Variants in PUM1 observed in about 807,000 individuals in gnomAD.
PUM1 encodes the protein pumilio homolog 1.
PUM1 carries 13 observed loss-of-function variants against 131.8 expected under a neutral mutation model. The observed-to-expected ratio is 0.10, with a 90% confidence interval of 0.06 to 0.16. The LOEUF is 0.16. PUM1 is among the 10% of genes least tolerant of loss of function. The pLI, the probability that PUM1 is intolerant of heterozygous loss-of-function variation, is 1.00. For synonymous variants in PUM1, 509 were observed against 556.5 expected (o/e 0.91, Z 1.20); for missense variants, 961 against 1,512.4 (o/e 0.64, Z 6.05).
chr1:30,953,860 A>T lies in PUM1; in HGVS notation c.2445T>A (p.Ser815=), dbSNP rs755781154. The change falls in exon 15 of 22, where the codon TCT becomes TCA. Residue 815 remains serine (S), a synonymous_variant. Coordinates refer to ENST00000426105, the MANE Select transcript of PUM1 (RefSeq NM_001020658.2). ...FSPSSTLFSS[S]RLRYGMSDVM... is the part of the protein sequence containing the mutation. Reference sequence around the variant, plus strand: ...CATCAGACATTCCATATCGCAAACGAGAGGAAGAGAAAAGAGTGCTGCTCG... The same window carrying T: ...CATCAGACATTCCATATCGCAAACGTGAGGAAGAGAAAAGAGTGCTGCTCG... 5 of 1,614,102 alleles carry T rather than the reference A, an allele frequency of 3.1e-6. No homozygotes were observed. The highest frequency in any genetic ancestry group is 4.2e-6 in the Non-Finnish European group (5 of 1,180,034).
chr1:30,987,967 A>G (rs944652279), intron 7 of PUM1, among the ~76,000 whole-genome samples: 1 of 152,232 alleles, frequency 6.6e-6, no homozygotes, highest in South Asian at 2.1e-4. Flanking sequence ...CAGCTAGTAC[A>G]TCTACTTCTA....
chr1:30,954,217 G>A (rs1640060222), intron 14 of PUM1, among the ~76,000 whole-genome samples: 2 of 152,204 alleles, frequency 1.3e-5, no homozygotes, highest in Non-Finnish European at 2.9e-5. Context: ...ATGGTAGACT[G>A]CTAGTAAGGC....
chr1:30,971,783 C>G (rs772409272), intron 10 of PUM1, among the ~76,000 whole-genome samples: 1 of 152,200 alleles, frequency 6.6e-6, no homozygotes, highest in Non-Finnish European at 1.5e-5. Flanking sequence ...CAGCACTTAA[C>G]TCTGCACAGA....
chr1:31,042,455 A>G (rs1268479667), intron 2 of PUM1, among the ~76,000 whole-genome samples: 2 of 152,210 alleles, frequency 1.3e-5, no homozygotes, highest in East Asian at 3.8e-4. Context: ...TAACTAATGC[A>G]AAGGACAGCA....
chr1:31,038,133 T>C (rs1643676633), intron 2 of PUM1, among the ~76,000 whole-genome samples: 1 of 138,736 alleles, frequency 7.2e-6, no homozygotes, highest in Non-Finnish European at 1.6e-5. Context: ...AAAGAATAAA[T>C]AAACATGGCC....
At chr1:30,979,929 A>G in intron 9 of PUM1, 133 bp downstream of exon 9, 1 of 628,330 alleles carries the variant, frequency 1.6e-6, no homozygotes, top group Non-Finnish European at 2.7e-6. Context: ...TTAAGCTGGC[A>G]GGTAGATGGC....
intron 1 of PUM1, 41 bp downstream of exon 1, chr1:31,065,575 T>A (rs1644465856): frequency 6.5e-7 from 1 of 1,537,528 alleles, no homozygotes. Flanking sequence ...TCGTTAGGGG[T>A]CCGGAGCAGC....
intron 10 of PUM1, among the ~76,000 whole-genome samples, chr1:30,970,550 A>G (rs1278462406): frequency 6.6e-6 from 1 of 152,212 alleles, no homozygotes; most frequent in Non-Finnish European, 1.5e-5. Flanking sequence ...AAAGAACCTA[A>G]CCAACTTTGT....
chr1:31,020,262 G>A (rs1435789749), intron 3 of PUM1, among the ~76,000 whole-genome samples: 1 of 152,084 alleles, frequency 6.6e-6, no homozygotes, highest in African/African-American at 2.4e-5. Context: ...TTTTTTATGG[G>A]TGTAGGTGTA....
rs1553146893 is a variant in PUM1, at chr1:30,969,332, A to AAG, written c.1507-841_1507-840insCT. 3.0e-3 allele frequency among the ~76,000 whole-genome samples: 412 copies of AAG among 135,240 alleles called. 4 individuals carry two copies. Among genetic ancestry groups the AAG allele is most frequent in the Non-Finnish European group, 4.8e-3 (299 of 62,830 alleles). 88.7% of individuals were successfully genotyped at this position (135,240 alleles called of 152,430 possible). A position where few individuals can be genotyped will look rare whatever the true frequency, so the allele number is the denominator to read the frequency against. On this transcript the variant is annotated intron_variant, in intron 10 of 21. Transcript: ENST00000426105. ...ACACACACACAAAAAAAAAAAAAAA[A>AAG]AAAAGAAAAAAAAAGAGTATTAATG...
chr1:31,058,267 A>G (rs538060709), intron 2 of PUM1, among the ~76,000 whole-genome samples: 83 of 152,294 alleles, frequency 5.4e-4, no homozygotes, highest in Admixed American at 1.3e-3. Context: ...CACCCAAGAG[A>G]AAAGATTCAA....
chr1:30,934,607 T>G (rs1048887420), intron 21 of PUM1, among the ~76,000 whole-genome samples: 1 of 152,232 alleles, frequency 6.6e-6, no homozygotes, highest in African/African-American at 2.4e-5. Context: ...AACTCACCTG[T>G]AAAACGGCGT....
At chr1:31,034,823 G>A (rs1169564844) in intron 2 of PUM1, among the ~76,000 whole-genome samples, 1 of 152,102 alleles carries the variant, frequency 6.6e-6, no homozygotes, top group Non-Finnish European at 1.5e-5. Context: ...CAGAAACCTA[G>A]ATCATGATGG....
chr1:31,004,935 A>G (rs975590533), intron 5 of PUM1, among the ~76,000 whole-genome samples: 5 of 152,240 alleles, frequency 3.3e-5, no homozygotes, highest in South Asian at 2.1e-4. Flanking sequence ...TTTTCAGGTG[A>G]TATCAGCCCA....
At chr1:31,009,360 T>C (rs998565673) in intron 3 of PUM1, among the ~76,000 whole-genome samples, 1 of 152,230 alleles carries the variant, frequency 6.6e-6, no homozygotes, top group South Asian at 2.1e-4. Flanking sequence ...TCTCACTTGT[T>C]TTATGCTCCA....
intron 2 of PUM1, among the ~76,000 whole-genome samples, chr1:31,038,971 TATATATA>T (rs1643711539): frequency 3.0e-5 from 1 of 33,370 alleles, no homozygotes; most frequent in Non-Finnish European, 5.3e-5. Context: ...TATATATATA[TATATATA>T]TATATATTTT....
chr1:31,064,877 G>C (rs1311931631), intron 1 of PUM1, among the ~76,000 whole-genome samples: 2 of 146,096 alleles, frequency 1.4e-5, no homozygotes, highest in African/African-American at 5.0e-5. Flanking sequence ...AAGCATGTTT[G>C]TGAGGACTAA....
At chr1:30,984,074 C>G (rs893608610) in intron 7 of PUM1, among the ~76,000 whole-genome samples, 1 of 152,198 alleles carries the variant, frequency 6.6e-6, no homozygotes, top group African/African-American at 2.4e-5. Flanking sequence ...GGAACTATTA[C>G]TTTTAACTAA....
chr1:30,993,841 C>T (rs553835564), intron 6 of PUM1, among the ~76,000 whole-genome samples: 4 of 152,204 alleles, frequency 2.6e-5, no homozygotes, highest in Non-Finnish European at 5.9e-5. Flanking sequence ...GAGGCTAAGG[C>T]AGGCAGACCA....
Sources: gnomAD v4.1 joint callset for allele counts (sites outside exome capture counted in the v4.1 genomes callset) on GRCh38, gnomAD v4.1.1 for gene constraint, MANE v1.5 for transcripts, NCBI Gene and HGNC (gene_info 2026-07-23, HGNC 2026-07-21) for gene names.